Variants in ANKRD46 observed in about 807,000 individuals in gnomAD.
The protein encoded by ANKRD46 is ankyrin repeat domain-containing protein 46.
Under a neutral mutation model 19.8 loss-of-function variants are expected in ANKRD46, and 13 were observed. The observed-to-expected ratio is 0.66, with a 90% CI of 0.43 to 1.04. The LOEUF (loss-of-function observed/expected upper bound fraction) is 1.04, where lower values mean the gene tolerates loss of function less well. ANKRD46 is among the 50% of genes least tolerant of loss of function. The probability of loss-of-function intolerance (pLI) is 0.00; values close to 1 mark genes in which losing one functional copy is unlikely to be tolerated. For missense variants in ANKRD46, 185 were observed against 274.8 expected (o/e 0.67, Z 2.31); for synonymous variants, 91 against 106.9 (o/e 0.85, Z 0.92).
chr8:100,552,886 T>C (rs760683510), intron 1 of ANKRD46, among the ~76,000 whole-genome samples: 17 of 152,222 alleles, frequency 1.1e-4, no homozygotes, highest in Non-Finnish European at 2.2e-4. Context: ...GAACAAAATA[T>C]CTAAATGACA....
intron 1 of ANKRD46, among the ~76,000 whole-genome samples, chr8:100,538,314 A>G (rs542812917): frequency 6.6e-6 from 1 of 152,328 alleles, no homozygotes; most frequent in South Asian, 2.1e-4. Flanking sequence ...TGAATCAAAA[A>G]TATTTGGGGA....
At chr8:100,538,269 T>C (rs1189486202) in intron 1 of ANKRD46, among the ~76,000 whole-genome samples, 1 of 151,896 alleles carries the variant, frequency 6.6e-6, no homozygotes, top group African/African-American at 2.4e-5. Flanking sequence ...CTGCACACAA[T>C]CAACCATGAA....
At chr8:100,523,268 T>C (rs1811771412) in intron 4 of ANKRD46, among the ~76,000 whole-genome samples, 1 of 151,976 alleles carries the variant, frequency 6.6e-6, no homozygotes, top group South Asian at 2.1e-4. Context: ...ATTTAGAAGA[T>C]TCAAAGTGCA....
chr8:100,554,225 G>A (rs1035360066), intron 1 of ANKRD46, among the ~76,000 whole-genome samples: 36 of 152,288 alleles, frequency 2.4e-4, no homozygotes, highest in Non-Finnish European at 4.4e-4. Flanking sequence ...CAAGTCAGAC[G>A]TTAAATTATT....
At chr8:100,519,259 A>G (rs1811683403), downstream of ANKRD46, among the ~76,000 whole-genome samples, 1 of 152,256 alleles carries the variant, frequency 6.6e-6, no homozygotes, top group African/African-American at 2.4e-5. Flanking sequence ...CCAATGAAAC[A>G]GCTTGTTTGC....
intron 1 of ANKRD46, among the ~76,000 whole-genome samples, chr8:100,549,745 T>C (rs1035797937): frequency 5.3e-5 from 8 of 152,216 alleles, no homozygotes; most frequent in African/African-American, 1.9e-4. Context: ...CTTGGTGTTA[T>C]ACATTCTATG....
downstream of ANKRD46, chr8:100,520,741 T>TAAAAAA (rs5893523): frequency 4.3e-5 from 31 of 719,842 alleles, no homozygotes; most frequent in African/African-American, 4.7e-5. Flanking sequence ...TATAATACAC[T>TAAAAAA]AAAAAAAAAA....
chr8:100,524,431 T>C lies in ANKRD46; in HGVS notation c.471-1660A>G, dbSNP rs1811794244. ...CATCAAACAAAAGTCCTTCAGCCTT[T>C]ACCAACATTAGAGGTCTTCTCTGAT... is the stretch of plus-strand genomic sequence containing the variant. On this transcript the variant is annotated intron_variant, in intron 4 of 4. Coordinates refer to ENST00000335659, the MANE Select transcript of ANKRD46 (RefSeq NM_001270377.2). This position sits in a 1 kb window ranked among gnomAD's most constrained non-coding sequence, Gnocchi z 4.3. Among the ~76,000 whole-genome samples, 2 of 152,164 alleles carry C rather than the reference T, an allele frequency of 1.3e-5. No homozygotes were observed. The highest frequency in any genetic ancestry group is 4.8e-5 in the African/African-American group (2 of 41,444).
chr8:100,521,996 TG>T lies in ANKRD46; in HGVS notation c.*558del, dbSNP rs1468406013. On this transcript the variant is annotated 3_prime_UTR_variant, in exon 5 of 5. Coordinates refer to ENST00000335659, the MANE Select transcript of ANKRD46 (RefSeq NM_001270377.2). The stretch of plus-strand genomic sequence containing the variant: ...ATAGCTCATTTTCAAAAGTTTTGTT[TG>T]GTTTGTGACTAGACTTAAAAATACT... 42 of 984,798 alleles carry T rather than the reference TG, an allele frequency of 4.3e-5. 1 individual carries two copies. In the African/African-American group the frequency reaches 7.0e-4, roughly 16 times the overall value. 61.0% of individuals were successfully genotyped at this position (984,798 alleles called of 1,614,324 possible).
At chr8:100,538,297 C>A (rs907344292) in intron 1 of ANKRD46, among the ~76,000 whole-genome samples, 1 of 151,842 alleles carries the variant, frequency 6.6e-6, no homozygotes, top group Non-Finnish European at 1.5e-5. Context: ...AATGATTCAA[C>A]CAACCATGAA....
At chr8:100,555,734 A>T (rs1174067998) in intron 1 of ANKRD46, among the ~76,000 whole-genome samples, 1 of 36,942 alleles carries the variant, frequency 2.7e-5, no homozygotes, top group African/African-American at 1.1e-4. Context: ...AAAAAAAAAA[A>T]AAAAAAAAAA....
At chr8:100,535,167 C>G (rs766655372) in intron 1 of ANKRD46, among the ~76,000 whole-genome samples, 4 of 152,152 alleles carry the variant, frequency 2.6e-5, no homozygotes, top group Non-Finnish European at 4.4e-5. Context: ...ATTCATTAGA[C>G]TAAATTACTA....
rs1174761012 is a variant in ANKRD46, at chr8:100,529,222, T to A, written c.311+301A>T. 1.3e-5 allele frequency among the ~76,000 whole-genome samples: 2 copies of A among 152,238 alleles called. No individual in the cohort carries two copies. Among genetic ancestry groups the A allele is most frequent in the African/African-American group, 2.4e-5 (1 of 41,462 alleles). The stretch of plus-strand genomic sequence containing the variant: ...TAAATGAGCTAACAAGTAAACACAG[T>A]CTAGCTCATAGATTTTCAACAAATG... On this transcript the variant is annotated intron_variant, in intron 3 of 4. Coordinates refer to ENST00000335659, the MANE Select transcript of ANKRD46 (RefSeq NM_001270377.2). The surrounding 1 kb of genome is among the most constrained non-coding windows in gnomAD (Gnocchi z 5.8).
At chr8:100,530,289 T>G (rs1323404417) in intron 2 of ANKRD46, among the ~76,000 whole-genome samples, 2 of 152,264 alleles carry the variant, frequency 1.3e-5, no homozygotes, top group South Asian at 2.1e-4. Context: ...TATATTTGCT[T>G]CTTCTTGTAT....
In ANKRD46 at chr8:100,550,064, C is replaced by T. The variant is rs1219528599; in HGVS notation, c.-131+9647G>A. Among the ~76,000 whole-genome samples the T allele has an allele frequency of 2.6e-5, 4 of 152,154 alleles. No individual in the cohort carries two copies. Among genetic ancestry groups the T allele is most frequent in the Non-Finnish European group, 5.9e-5 (4 of 68,026 alleles). ...CTGTATGTATTACAGTTTATCTGTT[C>T]ACCTACTGAAGGACATCTTGGTTGC... On this transcript the variant is annotated intron_variant, in intron 1 of 4. Transcript: ENST00000335659. This position sits in a 1 kb window ranked among gnomAD's most constrained non-coding sequence, Gnocchi z 4.4.
Position 100,521,177 on chromosome 8 carries a change from T to C in ANKRD46, c.*1378A>G, listed in dbSNP as rs539188800. The C allele has an allele frequency of 1.0e-6, 1 of 985,000 alleles. No individual in the cohort carries two copies. The highest frequency in any genetic ancestry group is 1.2e-6 in the Non-Finnish European group (1 of 829,864). 61.0% of individuals were successfully genotyped at this position (985,000 alleles called of 1,614,324 possible). A position where few individuals can be genotyped will look rare whatever the true frequency, so the allele number is the denominator to read the frequency against. ...AGAGCAAGCCTCAATACTAGATACA[T>C]AGATACAAGAGAAAATACCAAGAAG... On this transcript the variant is annotated 3_prime_UTR_variant, in exon 5 of 5. Coordinates refer to ENST00000335659, the MANE Select transcript of ANKRD46 (RefSeq NM_001270377.2).
intron 1 of ANKRD46, among the ~76,000 whole-genome samples, chr8:100,553,707 C>G (rs1411515471): frequency 6.6e-6 from 1 of 152,120 alleles, no homozygotes; most frequent in Non-Finnish European, 1.5e-5. Flanking sequence ...TGAGGTTGCA[C>G]CACTGCACTC....
At chr8:100,539,853 A>G (rs775892347) in intron 1 of ANKRD46, among the ~76,000 whole-genome samples, 29 of 152,210 alleles carry the variant, frequency 1.9e-4, no homozygotes, top group Admixed American at 3.3e-4. Flanking sequence ...GTTCGAGACT[A>G]GCCTGGGCAA....
At position 100,550,795 on chromosome 8, in the gene ANKRD46, G is replaced by T; in HGVS notation, c.-131+8916C>A. 6.5e-6 allele frequency: 3 copies of T among 459,012 alleles called. No individual in the cohort carries two copies. Among genetic ancestry groups the T allele is most frequent in the South Asian group, 3.5e-5 (2 of 57,202 alleles). 28.4% of individuals were successfully genotyped at this position (459,012 alleles called of 1,614,324 possible). A position where few individuals can be genotyped will look rare whatever the true frequency, so the allele number is the denominator to read the frequency against. Reference sequence around the variant, plus strand: ...AATTCACTGTTGTACGAGGAAATGAGCTTGACAAAGTGGTCACTGAGGGCA... The same window carrying T: ...AATTCACTGTTGTACGAGGAAATGATCTTGACAAAGTGGTCACTGAGGGCA... On this transcript the variant is annotated intron_variant, in intron 1 of 4. Coordinates refer to ENST00000335659, the MANE Select transcript of ANKRD46 (RefSeq NM_001270377.2). The surrounding 1 kb of genome is among the most constrained non-coding windows in gnomAD (Gnocchi z 4.4).
Sources: gnomAD v4.1 joint callset for allele counts (sites outside exome capture counted in the v4.1 genomes callset) on GRCh38, gnomAD v4.1.1 for gene constraint, Gnocchi (gnomAD v3.1) non-coding constraint, MANE v1.5 for transcripts, NCBI Gene and HGNC (gene_info 2026-07-23, HGNC 2026-07-21) for gene names.